BRDT: variants seen among roughly 807,000 people sequenced by gnomAD.
The protein encoded by BRDT is bromodomain testis-specific protein.
BRDT carries 77 observed loss-of-function variants against 113.9 expected under a neutral mutation model. That is an observed-to-expected ratio of 0.68 (90% CI 0.56 to 0.82). BRDT has a LOEUF of 0.82. BRDT is among the 40% of genes least tolerant of loss of function. The pLI is 0.00. For missense variants in BRDT, 1,027 were observed against 1,105.4 expected (o/e 0.93, Z 1.01); for synonymous variants, 358 against 366.5 (o/e 0.98, Z 0.26).
At chr1:91,976,162 T>TA (rs1379064987) in intron 4 of BRDT, 104 bp from the exon 5 acceptor site, 5 of 1,175,530 alleles carry the variant, frequency 4.3e-6, no homozygotes, top group Non-Finnish European at 5.7e-6. Flanking sequence ...ATCCTATGCT[T>TA]ATATTGCTAA....
In BRDT at chr1:91,970,660, C is replaced by T. The variant is rs116657457; in HGVS notation, c.445+2400C>T. ...GGCATTGTGGCTCATGGCTGTAATG[C>T]CAGCACATTGGGAAGCCAAGATGGG... On this transcript the variant is annotated intron_variant, in intron 4 of 18. Transcript: ENST00000399546. 4.1e-3 allele frequency among the ~76,000 whole-genome samples: 627 copies of T among 152,076 alleles called. 8 individuals carry two copies. The highest frequency in any genetic ancestry group is 0.014 in the African/African-American group (591 of 41,494).
intron 18 of BRDT, among the ~76,000 whole-genome samples, chr1:92,010,267 A>ATTTTTTTTTTTTTTTTTTTTTTTTTTT (rs373305680): frequency 9.9e-6 from 1 of 101,046 alleles, no homozygotes; most frequent in Non-Finnish European, 1.9e-5. Flanking sequence ...TGCTCTTTTA[A>ATTTTTTTTTTTTTTTTTTTTTTTTTTT]TTTTTTTTTT....
chr1:91,953,571 T>C (rs1025833705), intron 1 of BRDT, among the ~76,000 whole-genome samples: 2 of 152,180 alleles, frequency 1.3e-5, no homozygotes, highest in Admixed American at 6.5e-5. Flanking sequence ...TCCCAGCTTC[T>C]TGGGAGGCTG....
chr1:92,003,513 G>A (rs115438951), intron 16 of BRDT, among the ~76,000 whole-genome samples: 400 of 152,208 alleles, frequency 2.6e-3, no homozygotes, highest in African/African-American at 9.4e-3. Context: ...TTGAGCCCTT[G>A]ACATGTAGCT....
chr1:92,004,304 C>A, intron 16 of BRDT, 110 bp from the exon 17 acceptor site: 1 of 645,540 alleles, frequency 1.5e-6, no homozygotes, highest in Non-Finnish European at 2.6e-6. Flanking sequence ...GTACATGAAG[C>A]CCTTTAGAAT....
intron 7 of BRDT, among the ~76,000 whole-genome samples, chr1:91,979,096 G>A (rs990235500): frequency 2.0e-5 from 3 of 150,288 alleles, no homozygotes; most frequent in Non-Finnish European, 3.0e-5. Context: ...GGTAAGTTTG[G>A]CAGGCAGAGA....
At chr1:92,007,128 C>G (rs1379515150) in intron 18 of BRDT, among the ~76,000 whole-genome samples, 1 of 152,182 alleles carries the variant, frequency 6.6e-6, no homozygotes, top group Non-Finnish European at 1.5e-5. Context: ...TCAGTATAAT[C>G]ATTGACATTG....
At position 91,962,847 on chromosome 1, in the gene BRDT, A is replaced by T. The variant is rs138274836; in HGVS notation, c.93A>T (p.Gln31His). ...AGAAAAATGGGCGATTGACAAATCA[A>T]CTTCAGTATCTACAAAAAGTTGTCC... ...NTKKNGRLTN[Q>H]LQYLQKVVLK... The change falls in exon 2 of 19, where the codon CAA (glutamine) becomes CAT (histidine). Residue 31 changes from glutamine (Q) to histidine (H), a missense_variant. Coordinates refer to ENST00000399546, the MANE Select transcript of BRDT (RefSeq NM_207189.4). 3 of 1,612,964 alleles carry T rather than the reference A, an allele frequency of 1.9e-6. No individual in the cohort carries two copies. In the African/African-American group the frequency reaches 4.0e-5, roughly 22 times the overall value.
intron 15 of BRDT, among the ~76,000 whole-genome samples, chr1:91,996,437 C>T (rs924045639): frequency 2.6e-5 from 4 of 151,864 alleles, no homozygotes; most frequent in Non-Finnish European, 4.4e-5. Context: ...TTTGTAGAGA[C>T]GATTTCACCA....
At chr1:91,981,434 AG>A (rs1684720369) in intron 11 of BRDT, 53 bp downstream of exon 11, 5 of 1,537,594 alleles carry the variant, frequency 3.3e-6, no homozygotes, top group Non-Finnish European at 4.5e-6. Context: ...ATGTAGAGAC[AG>A]GGTCTTGTGA....
At chr1:91,971,091 A>G (rs981094909) in intron 4 of BRDT, among the ~76,000 whole-genome samples, 2 of 152,038 alleles carry the variant, frequency 1.3e-5, no homozygotes, top group Non-Finnish European at 2.9e-5. Flanking sequence ...GAGCTGTTGT[A>G]TCACATGGTG....
At chr1:91,951,558 A>G (rs1681088458) in intron 1 of BRDT, among the ~76,000 whole-genome samples, 1 of 151,944 alleles carries the variant, frequency 6.6e-6, no homozygotes, top group Non-Finnish European at 1.5e-5. Flanking sequence ...GCACTTTGGG[A>G]GTCAGGAGTT....
intron 15 of BRDT, among the ~76,000 whole-genome samples, chr1:92,001,688 C>A (rs979103140): frequency 1.2e-4 from 18 of 151,454 alleles, no homozygotes; most frequent in African/African-American, 3.9e-4. Flanking sequence ...CAAAGCAAGA[C>A]CCTCTCCCCG....
At chr1:91,975,466 A>G (rs1187477833) in intron 4 of BRDT, among the ~76,000 whole-genome samples, 1 of 152,166 alleles carries the variant, frequency 6.6e-6, no homozygotes, top group African/African-American at 2.4e-5. Context: ...AGAGGACCGA[A>G]GCAGAAGAAA....
intron 2 of BRDT, 90 bp downstream of exon 2, chr1:91,963,036 A>G (rs978462776): frequency 8.8e-7 from 1 of 1,131,612 alleles, no homozygotes; most frequent in Non-Finnish European, 1.2e-6. Flanking sequence ...ATTATAAAAC[A>G]TATTTGGCCA....
chr1:91,964,048 G>GTTT (rs1483772228), intron 2 of BRDT, among the ~76,000 whole-genome samples: 2 of 150,256 alleles, frequency 1.3e-5, no homozygotes, highest in Middle Eastern at 3.5e-3. Flanking sequence ...ATTTTCTGTT[G>GTTT]TTTTTTTTTG....
At chr1:92,008,360 CT>C (rs560688786) in intron 18 of BRDT, among the ~76,000 whole-genome samples, 2 of 151,782 alleles carry the variant, frequency 1.3e-5, no homozygotes, top group African/African-American at 4.8e-5. Flanking sequence ...TTTATTTGGC[CT>C]TTTTTTTCCA....
chr1:91,966,442 G>A (rs555818079), intron 3 of BRDT, among the ~76,000 whole-genome samples: 1 of 152,182 alleles, frequency 6.6e-6, no homozygotes, highest in East Asian at 1.9e-4. Context: ...GTGTTGCCTA[G>A]GCTGGACTTG....
At chr1:91,960,192 GTGT>G (rs1239316858) in intron 1 of BRDT, among the ~76,000 whole-genome samples, 3 of 152,146 alleles carry the variant, frequency 2.0e-5, no homozygotes, top group Non-Finnish European at 4.4e-5. Context: ...AATTCCACTT[GTGT>G]ATATATATCC....
Sources: gnomAD v4.1 joint callset for allele counts (sites outside exome capture counted in the v4.1 genomes callset) on GRCh38, gnomAD v4.1.1 for gene constraint, MANE v1.5 for transcripts, NCBI Gene and HGNC (gene_info 2026-07-23, HGNC 2026-07-21) for gene names.